The following GRIN2A variants were observed in gnomAD, a reference collection of about 807,000 sequenced individuals.
GRIN2A encodes glutamate receptor ionotropic, NMDA 2A.
In GRIN2A, 22 loss-of-function variants were observed where a neutral mutation model predicts 113.4. The ratio of observed to expected loss-of-function variants is 0.19; its 90% CI spans 0.14 to 0.28. The LOEUF (loss-of-function observed/expected upper bound fraction) is 0.28, where lower values mean the gene tolerates loss of function less well. GRIN2A is among the 10% of genes least tolerant of loss of function. The probability of loss-of-function intolerance (pLI) is 1.00; values close to 1 mark genes in which losing one functional copy is unlikely to be tolerated. For synonymous variants in GRIN2A, 827 were observed against 738.4 expected (o/e 1.12, Z -1.94); for missense variants, 1,502 against 1,887.0 (o/e 0.80, Z 3.78).
At chr16:9,935,318 T>C (rs73502702) in intron 3 of GRIN2A, among the ~76,000 whole-genome samples, 2,123 of 152,230 alleles carry the variant, frequency 0.014, 51 homozygotes, top group African/African-American at 0.048. Context: ...CCATGTCTCA[T>C]GCTGATTTAT....
chr16:9,784,637 A>G (rs1190475246), intron 11 of GRIN2A, among the ~76,000 whole-genome samples: 2 of 152,126 alleles, frequency 1.3e-5, no homozygotes, highest in Non-Finnish European at 2.9e-5. Context: ...AGAAACTACC[A>G]TCAGAGTGAA....
At chr16:9,855,087 C>T (rs1343411762) in intron 4 of GRIN2A, among the ~76,000 whole-genome samples, 1 of 151,946 alleles carries the variant, frequency 6.6e-6, no homozygotes, top group Non-Finnish European at 1.5e-5. Context: ...GCATCAACTT[C>T]ATTGCTACAG....
intron 3 of GRIN2A, among the ~76,000 whole-genome samples, chr16:9,915,713 G>A (rs984602758): frequency 6.6e-6 from 1 of 152,174 alleles, no homozygotes; most frequent in Non-Finnish European, 1.5e-5. Context: ...CACTGACTCT[G>A]GAGTTAAATT....
Position 9,755,860 on chromosome 16 carries a change from A to T in GRIN2A, c.*7289T>A, listed in dbSNP as rs868376839. On this transcript the variant is annotated 3_prime_UTR_variant, in exon 13 of 13. Transcript: ENST00000330684. ...CTCTAAGACAATTTGGAAAAGAAAA[A>T]AAAAAAGGAACAGACCAAGAAGGAA... The T allele has an allele frequency of 2.1e-4, 43 of 203,630 alleles. No individual in the cohort carries two copies. The Middle Eastern group carries it at 4.8e-3, about 23-fold the overall frequency. The allele number at this position is 203,630 out of a possible 1,614,324, so 12.6% of individuals were successfully genotyped here.
At chr16:9,825,366 A>G (rs2042367019) in intron 9 of GRIN2A, among the ~76,000 whole-genome samples, 1 of 152,316 alleles carries the variant, frequency 6.6e-6, no homozygotes, top group East Asian at 1.9e-4. Context: ...TCAGCCAAAC[A>G]ATGAAGCCTG....
intron 2 of GRIN2A, among the ~76,000 whole-genome samples, chr16:10,178,631 A>G (rs1339906092): frequency 6.6e-6 from 1 of 152,240 alleles, no homozygotes; most frequent in Non-Finnish European, 1.5e-5. Flanking sequence ...GCTAGCCTGC[A>G]AATCATTTAA....
At chr16:9,780,509 A>G (rs766581372) in intron 11 of GRIN2A, among the ~76,000 whole-genome samples, 5 of 152,250 alleles carry the variant, frequency 3.3e-5, no homozygotes, top group African/African-American at 7.2e-5. Flanking sequence ...TCAAAAGAAG[A>G]CAAAACCACC....
chr16:9,979,902 G>T (rs575195645), intron 2 of GRIN2A, among the ~76,000 whole-genome samples: 2 of 148,204 alleles, frequency 1.3e-5, no homozygotes, highest in Non-Finnish European at 3.0e-5. Context: ...ATATACCCAA[G>T]ATATTTATAT....
At chr16:9,860,323 C>T (rs954118354) in intron 4 of GRIN2A, among the ~76,000 whole-genome samples, 3 of 151,334 alleles carry the variant, frequency 2.0e-5, no homozygotes, top group Non-Finnish European at 4.4e-5. Context: ...AGGCATGGGT[C>T]TGTAATCCCA....
At position 10,180,684 on chromosome 16, in the gene GRIN2A, T is replaced by G; in HGVS notation, c.-18-255A>C. 1.7e-6 allele frequency: 1 copy of G among 595,794 alleles called. No individual in the cohort carries two copies. The allele number at this position is 595,794 out of a possible 1,614,324, so 36.9% of individuals were successfully genotyped here. On this transcript the variant is annotated intron_variant, in intron 1 of 12. Transcript: ENST00000330684. The surrounding 1 kb of genome is among the most constrained non-coding windows in gnomAD (Gnocchi z 7.0). The stretch of plus-strand genomic sequence containing the variant: ...TCTCGCATCCAGCTTCCTCATCCCC[T>G]GTCTCCAGGCACTTCCCCATCCCCA...
intron 11 of GRIN2A, among the ~76,000 whole-genome samples, chr16:9,786,719 C>T (rs749560183): frequency 2.0e-5 from 3 of 152,138 alleles, no homozygotes; most frequent in Admixed American, 1.3e-4. Flanking sequence ...GCATAGGTAC[C>T]AATTGTACCA....
intron 2 of GRIN2A, among the ~76,000 whole-genome samples, chr16:10,081,058 A>C (rs1012819211): frequency 6.6e-6 from 1 of 152,198 alleles, no homozygotes; most frequent in African/African-American, 2.4e-5. Flanking sequence ...GTGTTTGCAG[A>C]GTCCCAACTG....
chr16:9,981,264 C>G (rs1209888676), intron 2 of GRIN2A, among the ~76,000 whole-genome samples: 5 of 152,176 alleles, frequency 3.3e-5, no homozygotes, highest in African/African-American at 1.2e-4. Context: ...TCAGCGCCTC[C>G]AATCATGTCT....
chr16:9,900,687 A>T (rs1341253892), intron 3 of GRIN2A, among the ~76,000 whole-genome samples: 1 of 152,124 alleles, frequency 6.6e-6, no homozygotes, highest in Non-Finnish European at 1.5e-5. Context: ...GGTTCTTCGA[A>T]TCTCAGGCTG....
At chr16:10,011,003 C>T (rs1227300119) in intron 2 of GRIN2A, among the ~76,000 whole-genome samples, 1 of 152,176 alleles carries the variant, frequency 6.6e-6, no homozygotes, top group East Asian at 1.9e-4. Flanking sequence ...TTCTATATCC[C>T]AGTCCAACTT....
chr16:9,946,821 T>C (rs1028119264), intron 2 of GRIN2A, among the ~76,000 whole-genome samples: 2 of 152,208 alleles, frequency 1.3e-5, no homozygotes, highest in East Asian at 3.9e-4. Flanking sequence ...TATACCATCC[T>C]AAGAAGAAAG....
intron 3 of GRIN2A, among the ~76,000 whole-genome samples, chr16:9,931,371 T>G (rs1007829611): frequency 6.6e-6 from 1 of 152,184 alleles, no homozygotes; most frequent in Non-Finnish European, 1.5e-5. Flanking sequence ...GATAGTTATT[T>G]GTAAAATGCC....
At chr16:9,779,932 C>G (rs1052880777) in intron 11 of GRIN2A, among the ~76,000 whole-genome samples, 2 of 152,160 alleles carry the variant, frequency 1.3e-5, no homozygotes, top group South Asian at 4.1e-4. Context: ...GTCCTCTGCC[C>G]CCATTGTACT....
intron 3 of GRIN2A, among the ~76,000 whole-genome samples, chr16:9,892,744 G>C (rs1347560055): frequency 6.6e-6 from 1 of 152,062 alleles, no homozygotes; most frequent in Non-Finnish European, 1.5e-5. Context: ...GGTTCCCCAA[G>C]GGATCCGCTC....
Sources: allele counts gnomAD v4.1 joint callset (sites outside exome capture counted in the v4.1 genomes callset), GRCh38; gene constraint gnomAD v4.1.1; non-coding constraint Gnocchi (gnomAD v3.1); transcripts MANE v1.5; gene names NCBI Gene and HGNC (gene_info 2026-07-23, HGNC 2026-07-21).